Variants in CBFA2T2 observed in about 807,000 individuals in gnomAD.
The protein encoded by CBFA2T2 is CBFA2/RUNX1 partner transcriptional co-repressor 2, also known as protein CBFA2T2.
A neutral mutation model predicts 62.2 loss-of-function variants in CBFA2T2; 11 were observed. That is an observed-to-expected ratio of 0.18 (90% CI 0.11 to 0.29). The LOEUF is 0.29. CBFA2T2 is among the 10% of genes least tolerant of loss of function. The pLI is 1.00. For synonymous variants in CBFA2T2, 295 were observed against 287.5 expected, an observed-to-expected ratio of 1.03 and a Z score of -0.27; for missense variants, 592 against 774.1, an observed-to-expected ratio of 0.76 and a Z score of 2.79.
chr20:33,562,384 G>T (rs778110953), intron 1 of CBFA2T2: 29 of 985,916 alleles, frequency 2.9e-5, no homozygotes, highest in Non-Finnish European at 3.5e-5. Context: ...AAAAGAGAGA[G>T]ACTGACTGTA....
chr20:33,575,258 T>C (rs1209275228), intron 1 of CBFA2T2, among the ~76,000 whole-genome samples: 1 of 152,258 alleles, frequency 6.6e-6, no homozygotes, highest in Non-Finnish European at 1.5e-5. Context: ...CTAGTCATTA[T>C]GGTTTTTCTT....
intron 1 of CBFA2T2, among the ~76,000 whole-genome samples, chr20:33,520,999 C>CAA (rs1020967608): frequency 3.4e-5 from 5 of 148,160 alleles, no homozygotes; most frequent in South Asian, 2.2e-4. Flanking sequence ...CACACACACA[C>CAA]AATTTTCAGC....
intron 1 of CBFA2T2, among the ~76,000 whole-genome samples, chr20:33,547,226 A>C (rs1343095059): frequency 1.3e-5 from 2 of 151,824 alleles, no homozygotes; most frequent in African/African-American, 4.8e-5. Context: ...AAAAGACCGG[A>C]AATAAAAAGT....
chr20:33,556,403 T>TC (rs981287039), intron 1 of CBFA2T2, among the ~76,000 whole-genome samples: 68 of 152,316 alleles, frequency 4.5e-4, no homozygotes, highest in African/African-American at 1.5e-3. Context: ...AATCAGTGTG[T>TC]CTCAATATTA....
At chr20:33,584,594 A>G (rs1232536846) in intron 1 of CBFA2T2, among the ~76,000 whole-genome samples, 2 of 152,102 alleles carry the variant, frequency 1.3e-5, no homozygotes, top group Non-Finnish European at 2.9e-5. Context: ...TTTTTCCCTC[A>G]GCCCATCAGG....
intron 1 of CBFA2T2, among the ~76,000 whole-genome samples, chr20:33,536,132 T>C (rs1257461605): frequency 3.9e-5 from 6 of 152,224 alleles, no homozygotes; most frequent in Non-Finnish European, 5.9e-5. Flanking sequence ...CCCCCCTTTC[T>C]ATTCCACAAA....
chr20:33,507,278 T>A (rs1359947425), intron 1 of CBFA2T2, among the ~76,000 whole-genome samples: 5 of 152,216 alleles, frequency 3.3e-5, no homozygotes, highest in African/African-American at 1.2e-4. Flanking sequence ...CCTGGAGGAC[T>A]ATGTAGTCCA....
At chr20:33,616,006 T>G (rs1033696896) in intron 3 of CBFA2T2, among the ~76,000 whole-genome samples, 3 of 151,586 alleles carry the variant, frequency 2.0e-5, no homozygotes, top group African/African-American at 7.3e-5. Context: ...AGCCCAGGAG[T>G]TCGAGGCTGC....
intron 1 of CBFA2T2, among the ~76,000 whole-genome samples, chr20:33,604,088 A>G (rs958403722): frequency 6.6e-6 from 1 of 152,206 alleles, no homozygotes; most frequent in African/African-American, 2.4e-5. Context: ...TTTTGCAGCT[A>G]TTAATTCTTG....
chr20:33,563,156 G>A (rs749513257), intron 1 of CBFA2T2, among the ~76,000 whole-genome samples: 16 of 152,060 alleles, frequency 1.1e-4, no homozygotes, highest in African/African-American at 3.1e-4. Flanking sequence ...GCATCTCTTC[G>A]TTTTAGATAT....
intron 1 of CBFA2T2, among the ~76,000 whole-genome samples, chr20:33,494,255 ATATATATATATATATATATTTTTTTT>A (rs1568782995): frequency 1.4e-5 from 1 of 69,828 alleles, no homozygotes; most frequent in African/African-American, 6.3e-5. Flanking sequence ...ATATATATAT[ATATATATATATATATATATTTTTTTT>A]TTTTTTTTTT....
At chr20:33,586,668 T>C (rs762337099) in intron 1 of CBFA2T2, among the ~76,000 whole-genome samples, 6 of 152,316 alleles carry the variant, frequency 3.9e-5, no homozygotes, top group South Asian at 4.1e-4. Flanking sequence ...TCAAAAATAC[T>C]TCTTGGTTAA....
intron 1 of CBFA2T2, among the ~76,000 whole-genome samples, chr20:33,605,654 TGAA>T (rs2015312833): frequency 6.6e-6 from 1 of 152,232 alleles, no homozygotes; most frequent in Non-Finnish European, 1.5e-5. Context: ...TTCCCATAGA[TGAA>T]GTAGCCTCTG....
intron 1 of CBFA2T2, among the ~76,000 whole-genome samples, chr20:33,564,508 G>A (rs915087330): frequency 1.3e-5 from 2 of 152,200 alleles, no homozygotes; most frequent in Non-Finnish European, 1.5e-5. Flanking sequence ...GCCTGCCTCA[G>A]CCTCCCAAAG....
chr20:33,549,861 CTTT>C (rs368043905), intron 1 of CBFA2T2, among the ~76,000 whole-genome samples: 2 of 124,250 alleles, frequency 1.6e-5, no homozygotes, highest in Non-Finnish European at 3.4e-5. Context: ...ATGGCTGCTG[CTTT>C]TTTTTTTTTT....
intron 1 of CBFA2T2, among the ~76,000 whole-genome samples, chr20:33,568,421 C>T (rs1600982589): frequency 6.6e-6 from 1 of 152,082 alleles, no homozygotes; most frequent in Non-Finnish European, 1.5e-5. Flanking sequence ...GTAGAGAATG[C>T]GGCAGTCTTT....
chr20:33,625,102 G>T (rs912647760), intron 6 of CBFA2T2, 85 bp downstream of exon 6: 5 of 1,359,672 alleles, frequency 3.7e-6, no homozygotes, highest in Non-Finnish European at 4.1e-6. Context: ...TAATATGATT[G>T]CTTTTTCCCA....
chr20:33,500,909 T>A (rs2011269435), intron 1 of CBFA2T2, among the ~76,000 whole-genome samples: 1 of 152,202 alleles, frequency 6.6e-6, no homozygotes, highest in South Asian at 2.1e-4. Flanking sequence ...GTGAAGCAGA[T>A]GATGGCAGTG....
chr20:33,519,117 G>A (rs577183682), intron 1 of CBFA2T2, among the ~76,000 whole-genome samples: 194 of 152,064 alleles, frequency 1.3e-3, no homozygotes, highest in African/African-American at 4.6e-3. Context: ...CTCTGTTTCT[G>A]TGGGTTTTGC....
Sources: allele counts gnomAD v4.1 joint callset (sites outside exome capture counted in the v4.1 genomes callset), GRCh38; gene constraint gnomAD v4.1.1; transcripts MANE v1.5; gene names NCBI Gene and HGNC (gene_info 2026-07-23, HGNC 2026-07-21).